Variants in PPP2R2B observed in about 807,000 individuals in gnomAD.
PPP2R2B encodes the protein protein phosphatase 2 regulatory subunit Bbeta.
In PPP2R2B, 5 loss-of-function variants were observed where a neutral mutation model predicts 46.0. That is an observed-to-expected ratio of 0.11 (90% CI 0.06 to 0.23). PPP2R2B has a LOEUF of 0.23. PPP2R2B is among the 10% of genes least tolerant of loss of function. The pLI is 1.00. For missense variants in PPP2R2B, 367 were observed against 575.0 expected (o/e 0.64, Z 3.70); for synonymous variants, 215 against 206.7 (o/e 1.04, Z -0.34).
chr5:146,757,033 T>C (rs887905139), intron 2 of PPP2R2B, among the ~76,000 whole-genome samples: 2 of 152,036 alleles, frequency 1.3e-5, no homozygotes, highest in East Asian at 1.9e-4. Flanking sequence ...GGTTTTCTTG[T>C]TTTTAGGATG....
chr5:146,751,432 A>T (rs1326395827), intron 2 of PPP2R2B: 2 of 152,166 alleles, frequency 1.3e-5, no homozygotes, highest in Admixed American at 1.3e-4. Flanking sequence ...ACAAGGACCT[A>T]TGTGGTCTGG....
At chr5:146,847,583 G>A (rs914180116) in intron 2 of PPP2R2B, among the ~76,000 whole-genome samples, 1 of 152,112 alleles carries the variant, frequency 6.6e-6, no homozygotes, top group Non-Finnish European at 1.5e-5. Flanking sequence ...GTGCTCTGTT[G>A]GTGGTGGATG....
chr5:147,081,299 G>A, exon 1 of PPP2R2B: 2 of 1,535,678 alleles, frequency 1.3e-6, no homozygotes, highest in Non-Finnish European at 8.7e-7. Flanking sequence ...TGAGTCCTGA[G>A]AGGACGGTCA....
intron 2 of PPP2R2B, among the ~76,000 whole-genome samples, chr5:147,080,690 T>C (rs1757945367): frequency 6.6e-6 from 1 of 152,148 alleles, no homozygotes; most frequent in Non-Finnish European, 1.5e-5. Flanking sequence ...CTTCATGTAT[T>C]GCCAATGGTC....
At chr5:146,952,257 C>T (rs938894888) in intron 1 of PPP2R2B, among the ~76,000 whole-genome samples, 2 of 151,934 alleles carry the variant, frequency 1.3e-5, no homozygotes, top group Non-Finnish European at 2.9e-5. Flanking sequence ...CTTATTATTA[C>T]AAACCAAGAT....
chr5:146,839,365 A>T (rs1363086987), intron 2 of PPP2R2B, among the ~76,000 whole-genome samples: 2 of 152,106 alleles, frequency 1.3e-5, no homozygotes, highest in Non-Finnish European at 2.9e-5. Flanking sequence ...TACTAAAAAT[A>T]CAAAATTAGC....
intron 1 of PPP2R2B, among the ~76,000 whole-genome samples, chr5:147,033,367 A>C (rs747839826): frequency 9.2e-5 from 14 of 152,174 alleles, no homozygotes; most frequent in Non-Finnish European, 1.8e-4. Flanking sequence ...ACTCAAAGTT[A>C]ATCTTACTAA....
chr5:146,766,984 G>C (rs1384789715), intron 2 of PPP2R2B, among the ~76,000 whole-genome samples: 5 of 145,036 alleles, frequency 3.4e-5, no homozygotes, highest in Non-Finnish European at 6.0e-5. Context: ...AACCTGGGAG[G>C]CAGAGGTTGC....
exon 1 of PPP2R2B, chr5:147,081,289 T>G: frequency 2.0e-6 from 3 of 1,535,668 alleles, no homozygotes; most frequent in Non-Finnish European, 2.6e-6. Context: ...GAGACCCTAG[T>G]GAGTCCTGAG....
intron 2 of PPP2R2B, among the ~76,000 whole-genome samples, chr5:146,807,776 CTTTTTTTTTTTTTTTTTTTTTTTTTT>C (rs10583721): frequency 1.6e-4 from 6 of 36,932 alleles, no homozygotes; most frequent in South Asian, 3.3e-3. Flanking sequence ...GGGGTGCCTT[CTTTTTTTTTTTTTTTTTTTTTTTTTT>C]TTTTTTTTTT....
chr5:146,652,287 C>T (rs1255143742), intron 5 of PPP2R2B, among the ~76,000 whole-genome samples: 1 of 152,146 alleles, frequency 6.6e-6, no homozygotes, highest in Non-Finnish European at 1.5e-5. Context: ...CTCACTATCG[C>T]AAAGGGTGGT....
chr5:146,950,985 T>C (rs998459882), intron 1 of PPP2R2B, among the ~76,000 whole-genome samples: 1 of 152,038 alleles, frequency 6.6e-6, no homozygotes, highest in African/African-American at 2.4e-5. Context: ...TATGATGGTA[T>C]ACAACCTCAG....
chr5:146,663,980 T>C (rs956525645), intron 5 of PPP2R2B, among the ~76,000 whole-genome samples: 1 of 152,132 alleles, frequency 6.6e-6, no homozygotes, highest in Non-Finnish European at 1.5e-5. Context: ...CAGCTGGGAT[T>C]ACAGGCACGT....
At chr5:146,634,225 G>A (rs1774636693) in intron 7 of PPP2R2B, among the ~76,000 whole-genome samples, 1 of 152,204 alleles carries the variant, frequency 6.6e-6, no homozygotes, top group Non-Finnish European at 1.5e-5. Context: ...GCAAGGGAAA[G>A]AGAACTCCTC....
chr5:146,706,658 G>T, intron 2 of PPP2R2B: 1 of 852,088 alleles, frequency 1.2e-6, no homozygotes, highest in Non-Finnish European at 2.0e-6. Context: ...CGCCTTTGAG[G>T]CCCTCAGTCT....
In PPP2R2B at chr5:146,939,291, C is replaced by T. The variant is rs1561530922; in HGVS notation, c.79+116374G>A. Among the ~76,000 whole-genome samples, 4 of 152,248 alleles carry T rather than the reference C, an allele frequency of 2.6e-5. No homozygotes were observed. In the South Asian group the frequency reaches 8.3e-4, roughly 32 times the overall value. On this transcript the variant is annotated intron_variant, in intron 1 of 8. Coordinates refer to the PPP2R2B transcript ENST00000336640. ...GAGAAAATAAAAATAAATACTTCTA[C>T]CTCAGGGTACCAGAGGGTCTGGGGA...
intron 5 of PPP2R2B, among the ~76,000 whole-genome samples, chr5:146,684,583 C>A (rs1226357015): frequency 6.6e-6 from 1 of 152,182 alleles, no homozygotes; most frequent in Non-Finnish European, 1.5e-5. Context: ...AATGGCAATG[C>A]ACATCCTGTA....
At chr5:146,790,456 G>T (rs540371837) in intron 2 of PPP2R2B, among the ~76,000 whole-genome samples, 24 of 152,316 alleles carry the variant, frequency 1.6e-4, no homozygotes, top group Admixed American at 1.2e-3. Context: ...CATGCTGGGG[G>T]GTTGGCACGG....
chr5:146,923,543 G>A (rs1165758719), intron 1 of PPP2R2B, among the ~76,000 whole-genome samples: 1 of 152,174 alleles, frequency 6.6e-6, no homozygotes, highest in African/African-American at 2.4e-5. Flanking sequence ...AGCCCAGCAC[G>A]ATCCCTAGTG....
Sources: allele counts gnomAD v4.1 joint callset (sites outside exome capture counted in the v4.1 genomes callset), GRCh38; gene constraint gnomAD v4.1.1; transcripts MANE v1.5; gene names NCBI Gene and HGNC (gene_info 2026-07-23, HGNC 2026-07-21).